The following LOC122539214 variants were observed in gnomAD, a reference collection of about 807,000 sequenced individuals.
the LOC122539214 span, chr19:52,654,330 C>G: frequency 7.0e-7 from 1 of 1,419,840 alleles, no homozygotes; most frequent in South Asian, 1.2e-5. Context: ...TTTGCAATGT[C>G]CCTGTGTGGA....
At chr19:52,660,227 A>G in the LOC122539214 span, among the ~76,000 whole-genome samples, 1 of 152,182 alleles carries the variant, frequency 6.6e-6, no homozygotes, top group Non-Finnish European at 1.5e-5. Context: ...AGCTGGGGGT[A>G]GGGATGGAAT....
At chr19:52,653,685 T>C in the LOC122539214 span, among the ~76,000 whole-genome samples, 8 of 152,208 alleles carry the variant, frequency 5.3e-5, no homozygotes, top group East Asian at 1.3e-3. Flanking sequence ...TATGATGGCG[T>C]GTAAGAGATG....
the LOC122539214 span, among the ~76,000 whole-genome samples, chr19:52,659,985 G>T: frequency 1.3e-5 from 2 of 152,116 alleles, no homozygotes; most frequent in African/African-American, 2.4e-5. Flanking sequence ...GAGGTCAGGA[G>T]TTCGAGACCA....
the LOC122539214 span, among the ~76,000 whole-genome samples, chr19:52,675,149 T>G: frequency 1.3e-5 from 2 of 152,202 alleles, no homozygotes; most frequent in Non-Finnish European, 2.9e-5. Flanking sequence ...CTATAAAGCT[T>G]GCGTTACTTG....
the LOC122539214 span, among the ~76,000 whole-genome samples, chr19:52,658,550 G>C: frequency 2.0e-5 from 3 of 152,290 alleles, no homozygotes; most frequent in African/African-American, 7.2e-5. Context: ...GGGTGACAGT[G>C]TTGGGATTTA....
chr19:52,657,410 G>C, the LOC122539214 span, among the ~76,000 whole-genome samples: 1 of 151,952 alleles, frequency 6.6e-6, no homozygotes, highest in Non-Finnish European at 1.5e-5. Flanking sequence ...GCAGTTCGGA[G>C]ACCAGCCTCA....
the LOC122539214 span, among the ~76,000 whole-genome samples, chr19:52,661,193 T>C: frequency 6.6e-6 from 1 of 152,068 alleles, no homozygotes; most frequent in Non-Finnish European, 1.5e-5. Flanking sequence ...CACACATTCC[T>C]TTCCTGTGAC....
the LOC122539214 span, among the ~76,000 whole-genome samples, chr19:52,663,955 C>T: frequency 0.012 from 1,784 of 152,260 alleles, 21 homozygotes; most frequent in Middle Eastern, 0.017. Context: ...TATGCGATCT[C>T]GGCTCACTGC....
the LOC122539214 span, among the ~76,000 whole-genome samples, chr19:52,662,153 A>T: frequency 1.3e-5 from 2 of 152,258 alleles, no homozygotes; most frequent in East Asian, 3.8e-4. Flanking sequence ...TTTCATGTAT[A>T]CACACAACTT....
chr19:52,677,306 T>TAAAAAA, the LOC122539214 span, among the ~76,000 whole-genome samples: 6 of 106,462 alleles, frequency 5.6e-5, no homozygotes, highest in Non-Finnish European at 9.8e-5. Flanking sequence ...AATTGAGAAG[T>TAAAAAA]AAAAAAAAAA....
the LOC122539214 span, among the ~76,000 whole-genome samples, chr19:52,676,613 C>T: frequency 1.2e-4 from 18 of 150,328 alleles, no homozygotes; most frequent in East Asian, 1.9e-4. Flanking sequence ...GCCACCACCC[C>T]GTCTGGGAGG....
the LOC122539214 span, among the ~76,000 whole-genome samples, chr19:52,673,072 C>A: frequency 6.6e-6 from 1 of 151,910 alleles, no homozygotes; most frequent in African/African-American, 2.4e-5. Flanking sequence ...ACAAAAAAAA[C>A]TGGATGTGAG....
chr19:52,667,397 G>A, the LOC122539214 span, among the ~76,000 whole-genome samples: 1 of 152,114 alleles, frequency 6.6e-6, no homozygotes, highest in Admixed American at 6.5e-5. Context: ...AAAAAGAAAA[G>A]TTATAAGAGG....
the LOC122539214 span, chr19:52,652,312 T>C: frequency 7.8e-6 from 2 of 255,596 alleles, no homozygotes. Flanking sequence ...GGAGCATGCT[T>C]GTAGTCCCAG....
At chr19:52,652,358 C>A in the LOC122539214 span, 2 of 311,692 alleles carry the variant, frequency 6.4e-6, no homozygotes, top group Non-Finnish European at 1.2e-5. Flanking sequence ...TCGTATGAAC[C>A]TGGGAGGTGG....
chr19:52,687,633 G>GTATATA, the LOC122539214 span, among the ~76,000 whole-genome samples: 182 of 27,828 alleles, frequency 6.5e-3, 24 homozygotes, highest in Non-Finnish European at 7.7e-3. Flanking sequence ...TATATATAAT[G>GTATATA]TATATATATA....
the LOC122539214 span, among the ~76,000 whole-genome samples, chr19:52,661,676 C>T: frequency 6.6e-6 from 1 of 152,134 alleles, no homozygotes; most frequent in African/African-American, 2.4e-5. Context: ...TGAGCACAGC[C>T]CCACCTTCTG....
the LOC122539214 span, among the ~76,000 whole-genome samples, chr19:52,686,909 C>G: frequency 6.6e-6 from 1 of 152,040 alleles, no homozygotes; most frequent in African/African-American, 2.4e-5. Flanking sequence ...GGGCTGGGTG[C>G]AGTGGCTCAC....
At chr19:52,653,915 TC>T in the LOC122539214 span, among the ~76,000 whole-genome samples, 1 of 152,226 alleles carries the variant, frequency 6.6e-6, no homozygotes, top group African/African-American at 2.4e-5. Flanking sequence ...GGTTTTTCTC[TC>T]ATGTGTTCTT....
Sources: allele counts gnomAD v4.1 joint callset (sites outside exome capture counted in the v4.1 genomes callset), GRCh38; gene constraint gnomAD v4.1.1; transcripts MANE v1.5.